MYH15: variants seen among roughly 807,000 people sequenced by gnomAD.
The protein encoded by MYH15 is myosin-15.
Under a neutral mutation model 240.5 loss-of-function variants are expected in MYH15, and 227 were observed. The ratio of observed to expected loss-of-function variants is 0.94; its 90% CI spans 0.85 to 1.05. MYH15 has a LOEUF of 1.05. Ranked by LOEUF, MYH15 falls within the 50% of genes least tolerant of loss-of-function variation. MYH15 has a pLI of 0.00. For missense variants in MYH15, 2,217 were observed against 2,247.5 expected, an observed-to-expected ratio of 0.99 and a Z score of 0.27; for synonymous variants, 785 against 796.7, an observed-to-expected ratio of 0.99 and a Z score of 0.25.
At chr3:108,517,026 AG>A (rs1412245915) in intron 1 of MYH15, among the ~76,000 whole-genome samples, 2 of 152,260 alleles carry the variant, frequency 1.3e-5, no homozygotes, top group African/African-American at 4.8e-5. Flanking sequence ...TGTGCTTTTC[AG>A]TCTCTAATCC....
Position 108,505,751 on chromosome 3 carries a change from G to A in MYH15, c.167C>T (p.Thr56Ile). 1 of 1,610,130 alleles carries A rather than the reference G, an allele frequency of 6.2e-7. No homozygotes were observed. The highest frequency in any genetic ancestry group is 8.5e-7 in the Non-Finnish European group (1 of 1,178,618). ...TCCATCTGCTGTCTCAACAATTACT[G>A]TTCCATCATCTTCACTCCCTTTTAC... ...AEVKGSEDDG[T>I]VIVETADGES... Residue 56 changes from threonine to isoleucine, a missense_variant, in exon 2 of 41, where the codon ACA (threonine) becomes ATA (isoleucine). Transcript: ENST00000693548.
the MYH15 span, among the ~76,000 whole-genome samples, chr3:108,546,426 T>G: frequency 6.6e-6 from 1 of 152,176 alleles, no homozygotes; most frequent in East Asian, 1.9e-4. Flanking sequence ...AAAATCATGT[T>G]CATTACTAAA....
chr3:108,446,545 CA>C (rs1230457258), intron 21 of MYH15, among the ~76,000 whole-genome samples: 12 of 152,020 alleles, frequency 7.9e-5, no homozygotes, highest in Admixed American at 3.9e-4. Context: ...CATGAATAAT[CA>C]AAAAAATGAC....
chr3:108,469,473 A>G (rs2083152197), intron 14 of MYH15, among the ~76,000 whole-genome samples: 1 of 152,236 alleles, frequency 6.6e-6, no homozygotes, highest in South Asian at 2.1e-4. Context: ...GTATTGGGAC[A>G]TCACCAAATT....
At chr3:108,393,687 C>A (rs1266974346) in intron 36 of MYH15, among the ~76,000 whole-genome samples, 3 of 152,148 alleles carry the variant, frequency 2.0e-5, no homozygotes, top group Admixed American at 6.5e-5. Context: ...GGAAAAATAG[C>A]TTTTTGTAAG....
At chr3:108,396,229 T>A (rs2082459767) in intron 35 of MYH15, among the ~76,000 whole-genome samples, 1 of 152,246 alleles carries the variant, frequency 6.6e-6, no homozygotes, top group African/African-American at 2.4e-5. Flanking sequence ...CATTATCATG[T>A]ATGATATGCA....
At chr3:108,533,137 T>TTTTTTTG (rs57336631), upstream of MYH15, among the ~76,000 whole-genome samples, 1 of 132,746 alleles carries the variant, frequency 7.5e-6, no homozygotes, top group East Asian at 2.2e-4. Flanking sequence ...TTTTTTTTTT[T>TTTTTTTG]CATGAGTATT....
chr3:108,446,184 A>C lies in MYH15; in HGVS notation c.2400-1289T>G, dbSNP rs376436323. Among the ~76,000 whole-genome samples the C allele has an allele frequency of 3.3e-4, 50 of 152,264 alleles. No individual in the cohort carries two copies. In the East Asian group the frequency reaches 8.7e-3, roughly 26 times the overall value. On this transcript the variant is annotated intron_variant, in intron 21 of 40. Coordinates refer to ENST00000693548, the MANE Select transcript of MYH15 (RefSeq NM_014981.3). ...AACAAGGGTGTTCCAGTAGATCCTA[A>C]CCACAGACTGATTCTCATGGCCCCA... is the stretch of plus-strand genomic sequence containing the variant.
chr3:108,476,485 A>T lies in MYH15; in HGVS notation c.1145T>A (p.Ile382Asn), dbSNP rs1189493879. 6.2e-7 allele frequency: 1 copy of T among 1,613,010 alleles called. No individual in the cohort carries two copies. The highest frequency in any genetic ancestry group is 8.5e-7 in the Non-Finnish European group (1 of 1,179,308). Residue 382 changes from isoleucine to asparagine, a missense_variant, in exon 12 of 41, where the codon ATT (isoleucine) becomes AAT (asparagine). Transcript: ENST00000693548. The stretch of plus-strand genomic sequence containing the variant: ...GCACTTTACCAACTCAGAGGAGTTA[A>T]TGCCCATGAGGAAAGCAGCTTTGTC... ...NADKAAFLMG[I>N]NSSELVKCLI...
intron 23 of MYH15, among the ~76,000 whole-genome samples, chr3:108,440,792 C>T (rs890358517): frequency 6.6e-6 from 1 of 151,496 alleles, no homozygotes; most frequent in Non-Finnish European, 1.5e-5. Context: ...GAAAATGTTT[C>T]ATTTGGGAGA....
At chr3:108,444,017 G>C (rs1277265612) in intron 22 of MYH15, among the ~76,000 whole-genome samples, 1 of 98,442 alleles carries the variant, frequency 1.0e-5, no homozygotes, top group Non-Finnish European at 1.9e-5. Context: ...GGAGGGGGGA[G>C]GGATAGCATT....
the MYH15 span, among the ~76,000 whole-genome samples, chr3:108,534,481 T>A: frequency 1.3e-5 from 2 of 152,196 alleles, no homozygotes; most frequent in African/African-American, 2.4e-5. Flanking sequence ...TTTAATTTTG[T>A]CTCAACTTTT....
intron 9 of MYH15, among the ~76,000 whole-genome samples, chr3:108,490,792 C>A (rs972067535): frequency 2.0e-5 from 3 of 152,176 alleles, no homozygotes; most frequent in African/African-American, 7.2e-5. Flanking sequence ...GAACTATCCA[C>A]AACCCTACCA....
In MYH15 at chr3:108,416,759, TAAAA is replaced by T. The variant is rs56933265; in HGVS notation, c.3948+49_3948+52del. The stretch of plus-strand genomic sequence containing the variant: ...GGCTGATTCATCAAGCACTATTTTT[TAAAA>T]AAAAAAACACACAGTCAAGAAACTA... On this transcript the variant is annotated intron_variant, in intron 29 of 40. Coordinates refer to ENST00000693548, the MANE Select transcript of MYH15 (RefSeq NM_014981.3). 1,229 of 1,415,320 alleles carry T rather than the reference TAAAA, an allele frequency of 8.7e-4. 19 individuals are homozygous for T. In the African/African-American group the frequency reaches 0.01, roughly 12 times the overall value. 87.7% of individuals were successfully genotyped at this position (1,415,320 alleles called of 1,614,324 possible). A position where few individuals can be genotyped will look rare whatever the true frequency, so the allele number is the denominator to read the frequency against.
intron 32 of MYH15, among the ~76,000 whole-genome samples, chr3:108,407,938 G>A (rs377767016): frequency 3.5e-4 from 54 of 152,306 alleles, no homozygotes; most frequent in African/African-American, 1.2e-3. Flanking sequence ...ATTTCTAACA[G>A]CCTCCCAAGC....
At chr3:108,455,668 G>A in intron 20 of MYH15, 68 bp downstream of exon 20, 3 of 1,530,150 alleles carry the variant, frequency 2.0e-6, no homozygotes, top group Non-Finnish European at 2.7e-6. Flanking sequence ...AGCATTCACA[G>A]GTATTTTAAG....
At chr3:108,507,974 GCA>G (rs1471572023) in intron 1 of MYH15, among the ~76,000 whole-genome samples, 1 of 152,094 alleles carries the variant, frequency 6.6e-6, no homozygotes, top group African/African-American at 2.4e-5. Context: ...AGGTCACCTG[GCA>G]CAGTCTCTCT....
rs191972006 is a variant in MYH15, at chr3:108,516,921, C to T, written c.-57-6334G>A. 6.8e-4 allele frequency among the ~76,000 whole-genome samples: 103 copies of T among 152,286 alleles called. 2 individuals carry two copies. In the South Asian group the frequency reaches 0.012, roughly 17 times the overall value. ...ATGGAGTTTACACTCCTAGATTCTG[C>T]TCCCCGCTCCCCTCCCACTGGGATG... is the stretch of plus-strand genomic sequence containing the variant. On this transcript the variant is annotated intron_variant, in intron 1 of 41. Transcript: ENST00000273353.
chr3:108,463,692 T>C (rs1389877648), intron 15 of MYH15, among the ~76,000 whole-genome samples: 1 of 152,090 alleles, frequency 6.6e-6, no homozygotes, highest in Non-Finnish European at 1.5e-5. Flanking sequence ...ATCAGTTTAA[T>C]GTAATAGTAC....
Sources: gnomAD v4.1 joint callset for allele counts (sites outside exome capture counted in the v4.1 genomes callset) on GRCh38, gnomAD v4.1.1 for gene constraint, MANE v1.5 for transcripts, NCBI Gene and HGNC (gene_info 2026-07-23, HGNC 2026-07-21) for gene names.